ABCB1: variants seen among roughly 807,000 people sequenced by gnomAD.
ABCB1 encodes ATP-dependent translocase ABCB1.
ABCB1 carries 69 observed loss-of-function variants against 142.0 expected under a neutral mutation model. The ratio of observed to expected loss-of-function variants is 0.49; its 90% CI spans 0.40 to 0.59. The LOEUF is 0.59. Among genes scored for constraint, ABCB1 ranks in the 20% least tolerant of loss-of-function variants. ABCB1 has a pLI of 0.00. For synonymous variants in ABCB1, 532 were observed against 539.2 expected, an observed-to-expected ratio of 0.99 and a Z score of 0.18; for missense variants, 1,326 against 1,554.7, an observed-to-expected ratio of 0.85 and a Z score of 2.47.
intron 1 of ABCB1, among the ~76,000 whole-genome samples, chr7:87,625,135 T>C (rs1201922774): frequency 6.6e-6 from 1 of 151,984 alleles, no homozygotes; most frequent in Non-Finnish European, 1.5e-5. Context: ...CAGGCGCCTG[T>C]AGTCCCAGCG....
intron 20 of ABCB1, 60 bp from the exon 21 acceptor site, chr7:87,531,557 T>C (rs1816060166): frequency 6.6e-7 from 1 of 1,524,298 alleles, no homozygotes; most frequent in East Asian, 2.3e-5. Context: ...CTCATGCTTC[T>C]ATTTTCTGAA....
intron 1 of ABCB1, chr7:87,650,729 C>T: frequency 8.2e-6 from 6 of 733,108 alleles, no homozygotes; most frequent in Non-Finnish European, 1.5e-5. Context: ...AATATTTTTA[C>T]AACTCTTCCC....
In ABCB1 at chr7:87,619,603, C is replaced by G. The variant is rs536874385; in HGVS notation, c.-330-18525G>C. Among the ~76,000 whole-genome samples the G allele has an allele frequency of 2.7e-5, 4 of 150,574 alleles. No homozygotes were observed. In the East Asian group the frequency reaches 5.8e-4, roughly 22 times the overall value. On this transcript the variant is annotated intron_variant, in intron 1 of 28. Transcript: ENST00000265724. Reference sequence around the variant, plus strand: ...TGATAACCACAACATTCTTCTTTTTCTTACTAAGGTTTATTGGTTGACACA... The same window carrying G: ...TGATAACCACAACATTCTTCTTTTTGTTACTAAGGTTTATTGGTTGACACA...
chr7:87,653,482 A>G (rs990033140), intron 1 of ABCB1, among the ~76,000 whole-genome samples: 2 of 152,104 alleles, frequency 1.3e-5, no homozygotes, highest in African/African-American at 2.4e-5. Flanking sequence ...CTGCTGAAGC[A>G]ATCTACTCAA....
At chr7:87,562,629 T>C (rs1314632669) in intron 7 of ABCB1, among the ~76,000 whole-genome samples, 2 of 152,142 alleles carry the variant, frequency 1.3e-5, no homozygotes, top group African/African-American at 2.4e-5. Flanking sequence ...ATTATTAATA[T>C]ATCAAACACC....
chr7:87,656,407 TAGGAGAAAGCTG>T (rs756603436), intron 1 of ABCB1, among the ~76,000 whole-genome samples: 3 of 152,014 alleles, frequency 2.0e-5, no homozygotes, highest in Non-Finnish European at 4.4e-5. Flanking sequence ...TGGTTGTGGG[TAGGAGAAAGCTG>T]AGGACTGGAA....
At chr7:87,710,965 T>C (rs1420564332) in intron 1 of ABCB1, among the ~76,000 whole-genome samples, 3 of 152,188 alleles carry the variant, frequency 2.0e-5, no homozygotes, top group Non-Finnish European at 4.4e-5. Flanking sequence ...GATTTGAATT[T>C]AAGTATGAAA....
At chr7:87,617,532 G>A (rs771443104) in intron 1 of ABCB1, among the ~76,000 whole-genome samples, 6 of 152,154 alleles carry the variant, frequency 3.9e-5, no homozygotes, top group Non-Finnish European at 8.8e-5. Flanking sequence ...GTACAACTAG[G>A]CTCAGTACAT....
At chr7:87,675,943 G>T (rs527769843) in intron 1 of ABCB1, among the ~76,000 whole-genome samples, 1 of 152,334 alleles carries the variant, frequency 6.6e-6, no homozygotes, top group Admixed American at 6.5e-5. Context: ...CAAGCCAAGT[G>T]TAGTGGCTCA....
chr7:87,503,240 A>C lies in ABCB1; in HGVS notation c.*1003T>G, dbSNP rs1814567824. On this transcript the variant is annotated 3_prime_UTR_variant, in exon 28 of 28. Transcript: ENST00000622132. ...TGCTTATTTAAGATAGCAATTGTTT[A>C]TAGTAAATATAGTTTATAATGTTAA... Among the ~76,000 whole-genome samples the C allele has an allele frequency of 6.6e-6, 1 of 151,510 alleles. No individual in the cohort carries two copies. The highest frequency in any genetic ancestry group is 6.6e-5 in the Admixed American group (1 of 15,198).
chr7:87,615,433 A>T (rs899281500), intron 1 of ABCB1, among the ~76,000 whole-genome samples: 1 of 152,206 alleles, frequency 6.6e-6, no homozygotes, highest in Non-Finnish European at 1.5e-5. Context: ...TGTGTAGGCT[A>T]TCTTGAGGAC....
chr7:87,593,799 G>T (rs959720197), intron 3 of ABCB1, among the ~76,000 whole-genome samples: 2 of 152,296 alleles, frequency 1.3e-5, no homozygotes, highest in African/African-American at 4.8e-5. Flanking sequence ...AATTCAGTGT[G>T]CCCTGTGACT....
intron 1 of ABCB1, among the ~76,000 whole-genome samples, chr7:87,643,932 C>T (rs1822715030): frequency 6.6e-6 from 1 of 151,694 alleles, no homozygotes; most frequent in Admixed American, 6.6e-5. Context: ...CATCTCGGCT[C>T]ACTGCAACCT....
At chr7:87,513,475 ATT>A (rs1815106317) in intron 25 of ABCB1, among the ~76,000 whole-genome samples, 1 of 152,110 alleles carries the variant, frequency 6.6e-6, no homozygotes, top group African/African-American at 2.4e-5. Context: ...CAACTCCAAC[ATT>A]TTGTTATCAC....
At chr7:87,701,558 G>C (rs1402430132) in intron 1 of ABCB1, among the ~76,000 whole-genome samples, 1 of 152,128 alleles carries the variant, frequency 6.6e-6, no homozygotes, top group African/African-American at 2.4e-5. Context: ...TGGGTAAAAA[G>C]ATCAATTCAA....
intron 1 of ABCB1, among the ~76,000 whole-genome samples, chr7:87,696,515 T>C (rs1010913955): frequency 2.6e-5 from 4 of 152,192 alleles, no homozygotes; most frequent in Non-Finnish European, 5.9e-5. Flanking sequence ...AGAAATTAAT[T>C]ATTTAGATGA....
chr7:87,517,562 G>A (rs1301124673), intron 23 of ABCB1, among the ~76,000 whole-genome samples: 2 of 152,132 alleles, frequency 1.3e-5, no homozygotes, highest in African/African-American at 4.8e-5. Context: ...CTAACCCATA[G>A]GTTTGTGGGC....
chr7:87,563,007 G>A (rs921723901), intron 7 of ABCB1, among the ~76,000 whole-genome samples: 15 of 152,082 alleles, frequency 9.9e-5, no homozygotes, highest in African/African-American at 3.4e-4. Flanking sequence ...CAGTCACAAG[G>A]ATCCCATCAG....
intron 7 of ABCB1, among the ~76,000 whole-genome samples, chr7:87,562,799 A>G (rs1817617839): frequency 6.6e-6 from 1 of 150,670 alleles, no homozygotes; most frequent in African/African-American, 2.4e-5. Context: ...AACCTATCCT[A>G]TTATCAAGGA....
Sources: allele counts gnomAD v4.1 joint callset (sites outside exome capture counted in the v4.1 genomes callset), GRCh38; gene constraint gnomAD v4.1.1; transcripts MANE v1.5; gene names NCBI Gene and HGNC (gene_info 2026-07-23, HGNC 2026-07-21).